RNF216: variants seen among roughly 807,000 people sequenced by gnomAD.
RNF216 encodes the protein ring finger protein 216, also known as E3 ubiquitin-protein ligase RNF216.
A neutral mutation model predicts 110.8 loss-of-function variants in RNF216; 72 were observed. That is an observed-to-expected ratio of 0.65 (90% CI 0.54 to 0.79). RNF216 has a LOEUF of 0.79. RNF216 is among the 30% of genes least tolerant of loss of function. The probability of loss-of-function intolerance (pLI) is 0.00; values close to 1 mark genes in which losing one functional copy is unlikely to be tolerated. For synonymous variants in RNF216, 495 were observed against 407.5 expected, an observed-to-expected ratio of 1.21 and a Z score of -2.59; for missense variants, 1,342 against 1,141.2, an observed-to-expected ratio of 1.18 and a Z score of -2.54.
In RNF216 at chr7:5,772,775, C is replaced by CTT. The variant is rs34504327; in HGVS notation, c.-70+8764_-70+8765dup. Among the ~76,000 whole-genome samples, 87 of 133,552 alleles carry CTT rather than the reference C, an allele frequency of 6.5e-4. 1 individual carries two copies. The highest frequency in any genetic ancestry group is 1.2e-3 in the Admixed American group (16 of 12,886). The allele number at this position is 133,552 out of a possible 152,430, so 87.6% of individuals were successfully genotyped here. On this transcript the variant is annotated intron_variant, in intron 1 of 16. Transcript: ENST00000389902. ...CATTGATAACTGAAAAAAGATATTC[C>CTT]TTTTTTTTTTTTTTTTTTTGAGACA...
chr7:5,716,794 G>C (rs1445285429), intron 9 of RNF216, 28 bp from the exon 10 acceptor site: 12 of 1,584,448 alleles, frequency 7.6e-6, no homozygotes, highest in Non-Finnish European at 1.0e-5. Flanking sequence ...CACACATTCA[G>C]ACACAAATTT....
intron 13 of RNF216, among the ~76,000 whole-genome samples, chr7:5,688,648 C>T (rs755211230): frequency 2.3e-4 from 35 of 152,314 alleles, no homozygotes; most frequent in Admixed American, 3.9e-4. Context: ...GCTCACTCTG[C>T]GCACCTTACC....
intron 15 of RNF216, among the ~76,000 whole-genome samples, chr7:5,625,845 T>C (rs887397039): frequency 7.3e-5 from 11 of 151,606 alleles, no homozygotes; most frequent in African/African-American, 2.7e-4. Context: ...TCTGCAACAG[T>C]GGATGACACT....
intron 13 of RNF216, among the ~76,000 whole-genome samples, chr7:5,678,129 G>A (rs1790423427): frequency 6.6e-6 from 1 of 152,086 alleles, no homozygotes; most frequent in Non-Finnish European, 1.5e-5. Flanking sequence ...AAGGGCCCCG[G>A]CTACATAAAT....
chr7:5,713,790 A>AT (rs1380272114), intron 11 of RNF216, among the ~76,000 whole-genome samples: 1 of 152,258 alleles, frequency 6.6e-6, no homozygotes, highest in Non-Finnish European at 1.5e-5. Context: ...TTTATGAGGC[A>AT]TTTACCATGT....
At chr7:5,701,813 T>C (rs1434181605) in intron 13 of RNF216, among the ~76,000 whole-genome samples, 1 of 152,066 alleles carries the variant, frequency 6.6e-6, no homozygotes, top group Non-Finnish European at 1.5e-5. Context: ...TCAACACTTC[T>C]CACGTAAGGG....
At chr7:5,774,756 T>C (rs914235863) in intron 1 of RNF216, among the ~76,000 whole-genome samples, 1 of 124,906 alleles carries the variant, frequency 8.0e-6, no homozygotes, top group African/African-American at 2.7e-5. Context: ...CCATTCCAAG[T>C]TACTTTTTTT....
At chr7:5,660,943 G>GTTTTTTTTTTTTTTTTTT (rs1168463360) in intron 13 of RNF216, among the ~76,000 whole-genome samples, 5 of 90,150 alleles carry the variant, frequency 5.5e-5, no homozygotes, top group Non-Finnish European at 7.9e-5. Context: ...GAAGCCTTAG[G>GTTTTTTTTTTTTTTTTTT]TTTTTTTTTT....
chr7:5,708,150 T>C (rs1223309607), intron 13 of RNF216, among the ~76,000 whole-genome samples: 1 of 152,244 alleles, frequency 6.6e-6, no homozygotes, highest in African/African-American at 2.4e-5. Context: ...ACCTGTATTA[T>C]GATCTAATAT....
chr7:5,779,828 CAAA>C (rs35798344), intron 1 of RNF216, among the ~76,000 whole-genome samples: 2 of 51,250 alleles, frequency 3.9e-5, no homozygotes, highest in Non-Finnish European at 7.1e-5. Flanking sequence ...GACTCCGCCT[CAAA>C]AAAAAAAAAA....
rs1786420306 is a variant in RNF216, at chr7:5,622,338, T to TTTGGATGGGGGGACAGCATC, written c.*502_*521dup. 7 of 154,172 alleles carry TTTGGATGGGGGGACAGCATC rather than the reference T, an allele frequency of 4.5e-5. No homozygotes were observed. Among genetic ancestry groups the TTTGGATGGGGGGACAGCATC allele is most frequent in the Admixed American group, 3.9e-4 (6 of 15,512 alleles). The allele number at this position is 154,172 out of a possible 1,614,324, so 9.6% of individuals were successfully genotyped here. ...ACACTCACTGCAGTGGCGCACGGGTTTTGGATGGGGGGACAGCATCTTGGC... is the reference window on the plus strand; with the variant it reads ...ACACTCACTGCAGTGGCGCACGGGTTTTGGATGGGGGGACAGCATCTTGGATGGGGGGACAGCATCTTGGC... On this transcript the variant is annotated 3_prime_UTR_variant, in exon 17 of 17. Coordinates refer to ENST00000389902, the MANE Select transcript of RNF216 (RefSeq NM_207111.4).
intron 14 of RNF216, among the ~76,000 whole-genome samples, chr7:5,646,914 A>G (rs1297571154): frequency 6.6e-6 from 1 of 152,194 alleles, no homozygotes; most frequent in African/African-American, 2.4e-5. Context: ...CAGAACCTAA[A>G]GCTCAGTGTG....
intron 1 of RNF216, among the ~76,000 whole-genome samples, chr7:5,774,715 C>T (rs1796680523): frequency 7.4e-6 from 1 of 134,476 alleles, no homozygotes; most frequent in South Asian, 2.5e-4. Context: ...TAATAAAATA[C>T]AGTTCAAGGG....
intron 7 of RNF216, among the ~76,000 whole-genome samples, chr7:5,726,456 C>T (rs572020751): frequency 6.0e-4 from 91 of 152,314 alleles, no homozygotes; most frequent in African/African-American, 2.1e-3. Context: ...ATATCCACCC[C>T]ACCCTGTAAC....
In RNF216 at chr7:5,624,401, A is replaced by T. The variant is rs1786581581; in HGVS notation, c.2383-276T>A. On this transcript the variant is annotated intron_variant, in intron 15 of 16. Transcript: ENST00000389902. This position sits in a 1 kb window ranked among gnomAD's most constrained non-coding sequence, Gnocchi z 4.4. ...GCTGCCTGGTGAGGTGGGGGGATGG[A>T]GGGCCTCCATGCACTGAGCTGCGTG... Among the ~76,000 whole-genome samples, 1 of 152,150 alleles carries T rather than the reference A, an allele frequency of 6.6e-6. No individual in the cohort carries two copies. Among genetic ancestry groups the T allele is most frequent in the Non-Finnish European group, 1.5e-5 (1 of 68,010 alleles).
At chr7:5,662,853 G>A (rs1789236412) in intron 13 of RNF216, among the ~76,000 whole-genome samples, 1 of 150,956 alleles carries the variant, frequency 6.6e-6, no homozygotes, top group South Asian at 2.1e-4. Flanking sequence ...GTGTAGAGCT[G>A]GCACTTCTGC....
At chr7:5,779,761 G>C (rs1368300125) in intron 1 of RNF216, among the ~76,000 whole-genome samples, 1 of 150,782 alleles carries the variant, frequency 6.6e-6, no homozygotes, top group South Asian at 2.1e-4. Context: ...GCTGGCAGGC[G>C]GAGGGTGCAG....
chr7:5,771,340 T>G (rs960408929), intron 1 of RNF216, among the ~76,000 whole-genome samples: 2 of 152,002 alleles, frequency 1.3e-5, no homozygotes, highest in African/African-American at 4.8e-5. Flanking sequence ...ATCTTAGAGG[T>G]GCAAAAGATA....
intron 5 of RNF216, among the ~76,000 whole-genome samples, chr7:5,736,115 C>G (rs1181535252): frequency 2.0e-5 from 1 of 50,304 alleles, no homozygotes; most frequent in Non-Finnish European, 6.7e-5. Context: ...ATAGCTCTCC[C>G]TCTCCCTGTC....
Sources: allele counts gnomAD v4.1 joint callset (sites outside exome capture counted in the v4.1 genomes callset), GRCh38; gene constraint gnomAD v4.1.1; non-coding constraint Gnocchi (gnomAD v3.1); transcripts MANE v1.5; gene names NCBI Gene and HGNC (gene_info 2026-07-23, HGNC 2026-07-21).